Variants in MYZAP observed in about 807,000 individuals in gnomAD.
MYZAP encodes the protein GRINL1A complex locus upstream.
Under a neutral mutation model 69.4 loss-of-function variants are expected in MYZAP, and 66 were observed. The observed-to-expected ratio is 0.95, with a 90% confidence interval of 0.78 to 1.17. The LOEUF is 1.17. Among genes scored for constraint, MYZAP ranks in the 50% most tolerant of loss-of-function variants. MYZAP has a pLI of 0.00. For missense variants in MYZAP, 611 were observed against 556.2 expected (o/e 1.10, Z -0.99); for synonymous variants, 256 against 205.9 (o/e 1.24, Z -2.09).
chr15:57,638,741 A>G (rs2036961401), intron 9 of MYZAP, among the ~76,000 whole-genome samples: 1 of 152,204 alleles, frequency 6.6e-6, no homozygotes, highest in Non-Finnish European at 1.5e-5. Context: ...AAGGTCTTTC[A>G]ACTTGTCCCA....
At chr15:57,678,139 A>G (rs191976156) in intron 12 of MYZAP, among the ~76,000 whole-genome samples, 1 of 151,884 alleles carries the variant, frequency 6.6e-6, no homozygotes, top group Non-Finnish European at 1.5e-5. Context: ...AAGGCAGTGG[A>G]TTGCCTGAGC....
chr15:57,601,107 ATATC>A (rs1275611794), intron 1 of MYZAP, among the ~76,000 whole-genome samples: 141 of 152,240 alleles, frequency 9.3e-4, no homozygotes, highest in Middle Eastern at 6.8e-3. Flanking sequence ...AAAAATAAAA[ATATC>A]TAATATTCAT....
chr15:57,624,234 A>G (rs549184300), intron 4 of MYZAP, among the ~76,000 whole-genome samples: 1 of 152,350 alleles, frequency 6.6e-6, no homozygotes, highest in African/African-American at 2.4e-5. Flanking sequence ...TGTCTATGTG[A>G]CGTACCTTCC....
At chr15:57,633,768 C>T in intron 8 of MYZAP, 27 bp downstream of exon 8, 1 of 1,497,870 alleles carries the variant, frequency 6.7e-7, no homozygotes, top group Non-Finnish European at 8.9e-7. Flanking sequence ...GGCCTATTGC[C>T]CACTTGCCCA....
At chr15:57,648,468 C>T (rs2037560440) in intron 10 of MYZAP, 1 of 985,214 alleles carries the variant, frequency 1.0e-6, no homozygotes, top group African/African-American at 1.7e-5. Flanking sequence ...TCTCTCATTC[C>T]AAGGCTATGC....
At chr15:57,613,479 T>C (rs11636829) in intron 2 of MYZAP, among the ~76,000 whole-genome samples, 18,320 of 152,016 alleles carry the variant, frequency 0.12, 1,478 homozygotes, top group Non-Finnish European at 0.18. Flanking sequence ...CAAGCAATCT[T>C]CCCACCTTAG....
chr15:57,620,753 G>T (rs189469190), intron 3 of MYZAP, among the ~76,000 whole-genome samples: 1 of 152,232 alleles, frequency 6.6e-6, no homozygotes, highest in African/African-American at 2.4e-5. Context: ...TGGCAGTCAG[G>T]GCCGATAGAG....
intron 1 of MYZAP, 86 bp from the exon 2 acceptor site, chr15:57,604,183 A>G: frequency 1.5e-6 from 2 of 1,355,364 alleles, no homozygotes; most frequent in Non-Finnish European, 2.1e-6. Context: ...AGTAGGGGAA[A>G]TGGGCTGTGA....
chr15:57,623,608 C>G (rs1449264003), intron 4 of MYZAP, among the ~76,000 whole-genome samples: 2 of 151,896 alleles, frequency 1.3e-5, no homozygotes, highest in Admixed American at 1.3e-4. Context: ...TGGTGCAGGC[C>G]TGTAATCCTA....
intron 8 of MYZAP, among the ~76,000 whole-genome samples, chr15:57,634,469 A>C (rs2036694968): frequency 6.6e-6 from 1 of 152,188 alleles, no homozygotes; most frequent in Admixed American, 6.5e-5. Context: ...GTGACCTGCC[A>C]AGACCCTGAC....
chr15:57,617,924 T>C, intron 2 of MYZAP, 109 bp from the exon 3 acceptor site: 1 of 1,392,892 alleles, frequency 7.2e-7, no homozygotes, highest in Non-Finnish European at 9.5e-7. Context: ...TGCCAGGCAA[T>C]GAGTGCTGGG....
At chr15:57,639,599 C>T in intron 10 of MYZAP, 54 bp downstream of exon 10, 1 of 1,574,216 alleles carries the variant, frequency 6.4e-7, no homozygotes, top group South Asian at 1.2e-5. Flanking sequence ...GGTGGGGAAG[C>T]ATCCCCAGAA....
At chr15:57,658,538 A>T (rs1323930582) in intron 10 of MYZAP, among the ~76,000 whole-genome samples, 4 of 152,154 alleles carry the variant, frequency 2.6e-5, no homozygotes, top group African/African-American at 9.7e-5. Flanking sequence ...TTTTATTCGT[A>T]CCTAAGAACT....
chr15:57,655,476 C>T (rs572309031), intron 10 of MYZAP, among the ~76,000 whole-genome samples: 80 of 152,242 alleles, frequency 5.3e-4, no homozygotes, highest in Non-Finnish European at 1.0e-3. Context: ...GTCTGCATTC[C>T]TGGTACCAGA....
chr15:57,659,949 T>A (rs1315934915), intron 10 of MYZAP, among the ~76,000 whole-genome samples: 1 of 152,210 alleles, frequency 6.6e-6, no homozygotes, highest in African/African-American at 2.4e-5. Flanking sequence ...GTCTTTGCAG[T>A]GTTTCTTTTG....
In MYZAP at chr15:57,655,609, G is replaced by T. The variant is rs541520213; in HGVS notation, c.1120-5841G>T. Among the ~76,000 whole-genome samples, 254 of 149,532 alleles carry T rather than the reference G, an allele frequency of 1.7e-3. 2 individuals are homozygous for T. Among genetic ancestry groups the T allele is most frequent in the Non-Finnish European group, 3.0e-3 (200 of 67,132 alleles). On this transcript the variant is annotated intron_variant, in intron 10 of 12. Transcript: ENST00000267853. ...ATTGTAGCTAATGTGAAAAAAAAAA[G>T]CCATGATCAGTTTTAAGAAACTAAA...
chr15:57,642,293 A>T, intron 10 of MYZAP, among the ~76,000 whole-genome samples: 1 of 152,204 alleles, frequency 6.6e-6, no homozygotes, highest in East Asian at 1.9e-4. Context: ...TGTTTTTGTG[A>T]GCTCAGCCTT....
chr15:57,603,969 G>A (rs1304128420), intron 1 of MYZAP, among the ~76,000 whole-genome samples: 2 of 152,174 alleles, frequency 1.3e-5, no homozygotes, highest in African/African-American at 4.8e-5. Flanking sequence ...TGTGAAATGA[G>A]ATCATTCTAT....
At chr15:57,644,847 A>G (rs1053322400) in intron 10 of MYZAP, among the ~76,000 whole-genome samples, 6 of 152,328 alleles carry the variant, frequency 3.9e-5, no homozygotes, top group Middle Eastern at 6.8e-3. Flanking sequence ...AGACCCATCT[A>G]GAGAGATGTT....
Sources: allele counts gnomAD v4.1 joint callset (sites outside exome capture counted in the v4.1 genomes callset), GRCh38; gene constraint gnomAD v4.1.1; transcripts MANE v1.5; gene names NCBI Gene and HGNC (gene_info 2026-07-23, HGNC 2026-07-21).